PPP2R3A: variants seen among roughly 807,000 people sequenced by gnomAD.
PPP2R3A encodes the protein serine/threonine-protein phosphatase 2A regulatory subunit B'' subunit alpha.
A neutral mutation model predicts 106.9 loss-of-function variants in PPP2R3A; 80 were observed. The ratio of observed to expected loss-of-function variants is 0.75; its 90% CI spans 0.62 to 0.90. PPP2R3A has a LOEUF of 0.90. Ranked by LOEUF, PPP2R3A falls within the 40% of genes least tolerant of loss-of-function variation. The pLI, the probability that PPP2R3A is intolerant of heterozygous loss-of-function variation, is 0.00. For missense variants in PPP2R3A, 1,386 were observed against 1,350.4 expected, an observed-to-expected ratio of 1.03 and a Z score of -0.41; for synonymous variants, 483 against 468.3, an observed-to-expected ratio of 1.03 and a Z score of -0.41.
At chr3:136,049,177 A>C (rs1576462015) in intron 4 of PPP2R3A, 82 bp from the exon 5 acceptor site, 2 of 1,047,750 alleles carry the variant, frequency 1.9e-6, no homozygotes, top group East Asian at 4.8e-5. Context: ...CTTCAGATCA[A>C]ACTGAAATTA....
chr3:136,147,761 A>T lies in PPP2R3A; in HGVS notation c.*2595A>T. On this transcript the variant is annotated 3_prime_UTR_variant, in exon 14 of 14. Transcript: ENST00000264977. ...TGCATCTTGTCACTGTGTACCATTC[A>T]AAGTGTTTATAAAACTCTAGATTCA... 1 of 152,372 alleles carries T rather than the reference A, an allele frequency of 6.6e-6. No individual in the cohort carries two copies. The highest frequency in any genetic ancestry group is 2.4e-5 in the African/African-American group (1 of 41,592). 9.4% of individuals were successfully genotyped at this position (152,372 alleles called of 1,614,324 possible).
intron 13 of PPP2R3A, among the ~76,000 whole-genome samples, chr3:136,128,352 AAAG>A (rs1470126258): frequency 2.0e-5 from 3 of 152,048 alleles, no homozygotes; most frequent in African/African-American, 7.2e-5. Flanking sequence ...AAAAAAAAAA[AAAG>A]GAGGGGTTGC....
chr3:136,105,124 T>A (rs550138892), intron 12 of PPP2R3A, among the ~76,000 whole-genome samples: 2 of 152,208 alleles, frequency 1.3e-5, no homozygotes, highest in Non-Finnish European at 2.9e-5. Context: ...AAGGAAGTGA[T>A]ATGGAGAGAA....
At chr3:136,111,246 T>G (rs999389144) in intron 13 of PPP2R3A, among the ~76,000 whole-genome samples, 3 of 152,160 alleles carry the variant, frequency 2.0e-5, no homozygotes, top group Non-Finnish European at 4.4e-5. Flanking sequence ...TGGAGTAATA[T>G]CCTATGGTTC....
At chr3:136,072,722 T>C (rs1936475323) in intron 6 of PPP2R3A, among the ~76,000 whole-genome samples, 1 of 152,326 alleles carries the variant, frequency 6.6e-6, no homozygotes, top group South Asian at 2.1e-4. Flanking sequence ...TTAGAAAAGA[T>C]CTTAGAAATA....
At chr3:135,975,040 A>G (rs1937375969) in intron 1 of PPP2R3A, among the ~76,000 whole-genome samples, 1 of 152,148 alleles carries the variant, frequency 6.6e-6, no homozygotes, top group Non-Finnish European at 1.5e-5. Flanking sequence ...CAAGTCTTCC[A>G]TCAAGCACTG....
intron 13 of PPP2R3A, among the ~76,000 whole-genome samples, chr3:136,137,795 C>G (rs1428320126): frequency 6.6e-6 from 1 of 151,990 alleles, no homozygotes; most frequent in African/African-American, 2.4e-5. Context: ...CCCACCTGGG[C>G]CTCCCAAAGT....
chr3:136,033,560 C>A (rs560897130), intron 3 of PPP2R3A, among the ~76,000 whole-genome samples: 7 of 152,296 alleles, frequency 4.6e-5, no homozygotes, highest in Admixed American at 4.6e-4. Flanking sequence ...TTCAATATCA[C>A]TGCTTGTTGC....
At chr3:136,071,700 C>G (rs1936434224) in intron 6 of PPP2R3A, among the ~76,000 whole-genome samples, 1 of 152,184 alleles carries the variant, frequency 6.6e-6, no homozygotes, top group Admixed American at 6.5e-5. Context: ...AGTTTCCCAG[C>G]TCACATAGAA....
chr3:136,096,066 A>C (rs1262587427), intron 10 of PPP2R3A, among the ~76,000 whole-genome samples: 1 of 152,224 alleles, frequency 6.6e-6, no homozygotes, highest in African/African-American at 2.4e-5. Context: ...ACTTTATAAT[A>C]AAGTATTGAG....
chr3:136,142,213 A>T (rs1170801407), intron 13 of PPP2R3A, among the ~76,000 whole-genome samples: 1 of 152,146 alleles, frequency 6.6e-6, no homozygotes, highest in Admixed American at 6.5e-5. Flanking sequence ...AAGGAGCAAG[A>T]GTTCTAAGAT....
chr3:136,115,029 TCTG>T (rs752493364), intron 13 of PPP2R3A, among the ~76,000 whole-genome samples: 8 of 152,192 alleles, frequency 5.3e-5, no homozygotes, highest in Non-Finnish European at 8.8e-5. Flanking sequence ...CTGGCTGGCA[TCTG>T]GCGGGTGTCC....
At chr3:136,074,741 G>A (rs765898661) in intron 6 of PPP2R3A, among the ~76,000 whole-genome samples, 1 of 152,178 alleles carries the variant, frequency 6.6e-6, no homozygotes, top group Non-Finnish European at 1.5e-5. Flanking sequence ...AGGCTGAAAT[G>A]CCAGGATTTT....
rs199909630 is a variant in PPP2R3A, at chr3:136,072,963, TTTTG to T, written c.2544+2420_2544+2423del. Among the ~76,000 whole-genome samples, 537 of 152,138 alleles carry T rather than the reference TTTTG, an allele frequency of 3.5e-3. 4 individuals are homozygous for T. Among genetic ancestry groups the T allele is most frequent in the African/African-American group, 0.012 (485 of 41,520 alleles). Reference sequence around the variant, plus strand: ...AGTAGTCCTTAGGAAGTTTTTTGGTTTTTGTTTGTTTGGGTTTTTTTTGAGACGG... The same window carrying T: ...AGTAGTCCTTAGGAAGTTTTTTGGTTTTTGTTTGGGTTTTTTTTGAGACGG... On this transcript the variant is annotated intron_variant, in intron 6 of 13. Transcript: ENST00000264977.
At chr3:136,078,793 T>A (rs888935749) in intron 7 of PPP2R3A, among the ~76,000 whole-genome samples, 2 of 152,182 alleles carry the variant, frequency 1.3e-5, no homozygotes, top group African/African-American at 4.8e-5. Context: ...GGGGCTAGGT[T>A]GGGAAGGGTC....
At chr3:136,082,152 G>C (rs1225605824) in intron 7 of PPP2R3A, 113 bp from the exon 8 acceptor site, 1 of 837,920 alleles carries the variant, frequency 1.2e-6, no homozygotes, top group Admixed American at 2.9e-5. Context: ...TTTCTGATTT[G>C]GTACCAGAAA....
At chr3:136,023,057 T>G in intron 2 of PPP2R3A, 3 of 1,612,658 alleles carry the variant, frequency 1.9e-6, no homozygotes, top group Non-Finnish European at 2.5e-6. Context: ...AAGTAAACAT[T>G]TACTTTTCAA....
At chr3:136,101,617 G>A (rs1018105752) in intron 10 of PPP2R3A, among the ~76,000 whole-genome samples, 1 of 152,060 alleles carries the variant, frequency 6.6e-6, no homozygotes, top group East Asian at 1.9e-4. Flanking sequence ...GTAGAGATAG[G>A]GTTTCACCAT....
At chr3:135,967,362 T>A (rs927900611) in intron 1 of PPP2R3A, among the ~76,000 whole-genome samples, 3 of 152,192 alleles carry the variant, frequency 2.0e-5, no homozygotes, top group African/African-American at 7.2e-5. Flanking sequence ...CATTGAGCAG[T>A]TAAAGATTTA....
Sources: gnomAD v4.1 joint callset for allele counts (sites outside exome capture counted in the v4.1 genomes callset) on GRCh38, gnomAD v4.1.1 for gene constraint, MANE v1.5 for transcripts, NCBI Gene and HGNC (gene_info 2026-07-23, HGNC 2026-07-21) for gene names.